The following CPAMD8 variants were observed in gnomAD, a reference collection of about 807,000 sequenced individuals.
CPAMD8 encodes the protein C3 and PZP like alpha-2-macroglobulin domain containing 8, also known as C3 and PZP-like alpha-2-macroglobulin domain-containing protein 8.
CPAMD8 carries 146 observed loss-of-function variants against 224.7 expected under a neutral mutation model. That is an observed-to-expected ratio of 0.65 (90% CI 0.57 to 0.75). The LOEUF (loss-of-function observed/expected upper bound fraction) is 0.75, where lower values mean the gene tolerates loss of function less well. Ranked by LOEUF, CPAMD8 falls within the 30% of genes least tolerant of loss-of-function variation. CPAMD8 has a pLI of 0.00. For synonymous variants in CPAMD8, 966 were observed against 1,044.6 expected, an observed-to-expected ratio of 0.92 and a Z score of 1.45; for missense variants, 2,301 against 2,537.5, an observed-to-expected ratio of 0.91 and a Z score of 2.00.
intron 23 of CPAMD8, among the ~76,000 whole-genome samples, chr19:16,936,275 C>T (rs966128526): frequency 2.0e-5 from 3 of 152,038 alleles, no homozygotes; most frequent in Admixed American, 2.0e-4. Flanking sequence ...AGGGGTATGT[C>T]ATTATGCTGT....
At chr19:16,969,873 CAAAA>C (rs768905816) in intron 18 of CPAMD8, among the ~76,000 whole-genome samples, 1 of 69,834 alleles carries the variant, frequency 1.4e-5, no homozygotes, top group Non-Finnish European at 2.7e-5. Flanking sequence ...GGCTCCATCT[CAAAA>C]AAAAAAAAAA....
rs1189393714 is a variant in CPAMD8 at position 17,004,310 on chromosome 19, G to C, written c.636C>G (p.Gly212=). The change falls in exon 8 of 42, where the codon GGC becomes GGG. Residue 212 remains glycine, a synonymous_variant. Transcript: ENST00000443236. ...CTTCAAAAGACTTGTTGTACGCGTG[G>C]CCTTGCATTTCAACAAAAATGAACC... ...GEWFIFVEMQ[G]HAYNKSFEVQ... 6.2e-7 allele frequency: 1 copy of C among 1,612,786 alleles called. No individual in the cohort carries two copies. Among genetic ancestry groups the C allele is most frequent in the South Asian group, 1.1e-5 (1 of 91,050 alleles).
At chr19:17,000,919 C>G (rs189992818) in intron 9 of CPAMD8, among the ~76,000 whole-genome samples, 2 of 152,290 alleles carry the variant, frequency 1.3e-5, no homozygotes, top group East Asian at 3.9e-4. Context: ...TTTCCTCACC[C>G]AGAGAATGGG....
chr19:17,004,443 CG>C (rs2056427089), intron 7 of CPAMD8, 57 bp from the exon 8 acceptor site: 3 of 1,157,082 alleles, frequency 2.6e-6, no homozygotes, highest in Non-Finnish European at 3.9e-6. Flanking sequence ...CGGTGAGGTA[CG>C]GGAAGAGGGA....
chr19:16,975,552 G>T (rs1247924753), intron 16 of CPAMD8, among the ~76,000 whole-genome samples: 1 of 151,804 alleles, frequency 6.6e-6, no homozygotes, highest in Non-Finnish European at 1.5e-5. Context: ...ACAAAAGATA[G>T]AAAAAATTAG....
intron 29 of CPAMD8, among the ~76,000 whole-genome samples, 180 bp downstream of exon 29, chr19:16,914,244 C>T (rs895474055): frequency 1.2e-4 from 18 of 151,902 alleles, no homozygotes; most frequent in African/African-American, 3.9e-4. Flanking sequence ...CTCTCCTCTG[C>T]TCAGATTACA....
intron 3 of CPAMD8, among the ~76,000 whole-genome samples, chr19:17,015,157 G>C (rs544867908): frequency 6.6e-6 from 1 of 152,288 alleles, no homozygotes; most frequent in Non-Finnish European, 1.5e-5. Context: ...CAGCAGAATC[G>C]CTTGAACCCA....
intron 21 of CPAMD8, among the ~76,000 whole-genome samples, chr19:16,946,050 C>A (rs1291522075): frequency 2.0e-5 from 3 of 151,398 alleles, no homozygotes; most frequent in Non-Finnish European, 2.9e-5. Context: ...CATGTGTGTG[C>A]ATTTTTCCAT....
intron 27 of CPAMD8, 64 bp from the exon 28 acceptor site, chr19:16,914,877 G>A: frequency 7.9e-7 from 1 of 1,258,052 alleles, no homozygotes; most frequent in South Asian, 1.4e-5. Context: ...TGCTGGCTGA[G>A]GGATTGCAGC....
chr19:16,977,265 G>T, intron 15 of CPAMD8, 103 bp downstream of exon 15: 1 of 718,450 alleles, frequency 1.4e-6, no homozygotes. Flanking sequence ...ATCATGCTGC[G>T]ACACAACATG....
At chr19:16,969,873 C>CAAAAAAA (rs768905816) in intron 18 of CPAMD8, among the ~76,000 whole-genome samples, 1 of 69,846 alleles carries the variant, frequency 1.4e-5, no homozygotes, top group Non-Finnish European at 2.7e-5. Flanking sequence ...GGCTCCATCT[C>CAAAAAAA]AAAAAAAAAA....
rs79538714 is a variant in CPAMD8, at chr19:16,983,980, T to C, written c.1396-3294A>G. 2.8e-4 allele frequency among the ~76,000 whole-genome samples: 42 copies of C among 152,156 alleles called. No homozygotes were observed. The East Asian group carries it at 8.1e-3, about 29-fold the overall frequency. On this transcript the variant is annotated intron_variant, in intron 13 of 41. Coordinates refer to ENST00000443236, the MANE Select transcript of CPAMD8 (RefSeq NM_015692.5). ...TACAAAGCTACAGTAATCAAGACAG[T>C]GTAGTACCAGCATAAGGAGAGACAT...
intron 13 of CPAMD8, among the ~76,000 whole-genome samples, chr19:16,985,794 G>GGATGGAGGGATGAAGAGAGGGACA (rs1291301836): frequency 6.6e-6 from 1 of 151,132 alleles, no homozygotes; most frequent in Non-Finnish European, 1.5e-5. Flanking sequence ...GAGGATAGAT[G>GGATGGAGGGATGAAGAGAGGGACA]GATGGAGGGA....
chr19:16,904,633 G>T, intron 30 of CPAMD8, 81 bp from the exon 31 acceptor site: 1 of 951,540 alleles, frequency 1.1e-6, no homozygotes, highest in Non-Finnish European at 1.7e-6. Context: ...CAAGCATGGG[G>T]TCTAAAGAAA....
chr19:16,929,274 G>A (rs1041015153), intron 23 of CPAMD8, 34 bp from the exon 24 acceptor site: 1 of 1,527,914 alleles, frequency 6.5e-7, no homozygotes, highest in Non-Finnish European at 8.9e-7. Context: ...GAGTTGAGAG[G>A]GCACCTGGAG....
chr19:16,997,603 C>A (rs188648713), intron 10 of CPAMD8, among the ~76,000 whole-genome samples: 103 of 152,208 alleles, frequency 6.8e-4, no homozygotes, highest in African/African-American at 2.4e-3. Context: ...GTAATCCCAG[C>A]ACTTTGGGAG....
chr19:17,026,395 G>A (rs1402207040), intron 1 of CPAMD8, among the ~76,000 whole-genome samples, 156 bp downstream of exon 1: 1 of 152,114 alleles, frequency 6.6e-6, no homozygotes. Context: ...ACTTTAGGGC[G>A]CCCCCTCCTC....
At chr19:16,943,459 G>A (rs1599750328) in intron 22 of CPAMD8, among the ~76,000 whole-genome samples, 1 of 151,704 alleles carries the variant, frequency 6.6e-6, no homozygotes, top group East Asian at 1.9e-4. Context: ...GCTGAGTATA[G>A]TGGCATAATC....
At chr19:16,967,910 CATATATACACACACAT>C (rs2054907500) in intron 18 of CPAMD8, among the ~76,000 whole-genome samples, 3 of 146,882 alleles carry the variant, frequency 2.0e-5, no homozygotes, top group African/African-American at 7.7e-5. Context: ...TATATATGTG[CATATATACACACACAT>C]GTGTGTATAT....
Sources: gnomAD v4.1 joint callset for allele counts (sites outside exome capture counted in the v4.1 genomes callset) on GRCh38, gnomAD v4.1.1 for gene constraint, MANE v1.5 for transcripts, NCBI Gene and HGNC (gene_info 2026-07-23, HGNC 2026-07-21) for gene names.